TLL1: variants seen among roughly 807,000 people sequenced by gnomAD.
TLL1 encodes the protein tolloid like 1.
A neutral mutation model predicts 128.2 loss-of-function variants in TLL1; 49 were observed. The ratio of observed to expected loss-of-function variants is 0.38; its 90% CI spans 0.30 to 0.48. The LOEUF is 0.48. Ranked by LOEUF, TLL1 falls within the 20% of genes least tolerant of loss-of-function variation. TLL1 has a pLI of 0.96. For missense variants in TLL1, 1,123 were observed against 1,242.0 expected (o/e 0.90, Z 1.44); for synonymous variants, 454 against 418.8 (o/e 1.08, Z -1.03).
In TLL1 at chr4:165,895,782, A is replaced by G. The variant is rs1320756696; in HGVS notation, c.169+21709A>G. 4.6e-5 allele frequency among the ~76,000 whole-genome samples: 7 copies of G among 152,110 alleles called. 1 individual carries two copies. Among genetic ancestry groups the G allele is most frequent in the Middle Eastern group, 3.2e-3 (1 of 316 alleles). On this transcript the variant is annotated intron_variant, in intron 1 of 20. Coordinates refer to ENST00000061240, the MANE Select transcript of TLL1 (RefSeq NM_012464.5). ...CTCTTGCCTTCAAGACTTATTTTAC[A>G]GCTACAGTACTCAAGACAGGGCATG... is the stretch of plus-strand genomic sequence containing the variant.
At chr4:165,882,360 C>T (rs1730999863) in intron 1 of TLL1, among the ~76,000 whole-genome samples, 1 of 151,982 alleles carries the variant, frequency 6.6e-6, no homozygotes, top group Non-Finnish European at 1.5e-5. Flanking sequence ...TACTTGTTTC[C>T]TAACAAGTGG....
At chr4:166,052,523 C>G (rs767854129) in intron 12 of TLL1, among the ~76,000 whole-genome samples, 6 of 152,136 alleles carry the variant, frequency 3.9e-5, no homozygotes, top group Non-Finnish European at 8.8e-5. Context: ...TCTTGAACTC[C>G]TGACCATGTG....
At chr4:165,967,130 C>G (rs373975879) in intron 1 of TLL1, among the ~76,000 whole-genome samples, 1 of 152,166 alleles carries the variant, frequency 6.6e-6, no homozygotes, top group Non-Finnish European at 1.5e-5. Flanking sequence ...TTCTCCTATT[C>G]GCTTTTGTAA....
rs1739901176 is a variant in TLL1, at chr4:166,054,369, C to A, written c.1525-707C>A. On this transcript the variant is annotated intron_variant, in intron 12 of 20. Coordinates refer to ENST00000061240, the MANE Select transcript of TLL1 (RefSeq NM_012464.5). ...TACATTTGTTCAGAGTATTTGAATC[C>A]AAATCTTCTATGAATACAATAATGA... 2.6e-5 allele frequency among the ~76,000 whole-genome samples: 4 copies of A among 152,026 alleles called. No homozygotes were observed. The South Asian group carries it at 8.3e-4, about 32-fold the overall frequency.
At chr4:166,098,600 G>A (rs1451996931) in intron 19 of TLL1, among the ~76,000 whole-genome samples, 1 of 151,986 alleles carries the variant, frequency 6.6e-6, no homozygotes, top group East Asian at 1.9e-4. Context: ...TGTTGGATAG[G>A]TTGTAGAACT....
intron 18 of TLL1, among the ~76,000 whole-genome samples, chr4:166,083,965 A>C (rs1305328912): frequency 6.6e-6 from 1 of 152,078 alleles, no homozygotes; most frequent in Non-Finnish European, 1.5e-5. Context: ...GAGACTCCAT[A>C]CTTTTTTCTG....
At chr4:165,970,814 C>T (rs1455883133) in intron 1 of TLL1, among the ~76,000 whole-genome samples, 1 of 152,178 alleles carries the variant, frequency 6.6e-6, no homozygotes, top group Non-Finnish European at 1.5e-5. Flanking sequence ...CGTGCAAAAT[C>T]AAAGAGCTTT....
At chr4:166,097,474 G>A (rs1351587035) in intron 19 of TLL1, among the ~76,000 whole-genome samples, 2 of 152,118 alleles carry the variant, frequency 1.3e-5, no homozygotes, top group African/African-American at 4.8e-5. Flanking sequence ...CAATGGGGAA[G>A]TCATTCTTGT....
At chr4:165,938,729 C>T (rs191075827) in intron 1 of TLL1, among the ~76,000 whole-genome samples, 142 of 152,060 alleles carry the variant, frequency 9.3e-4, no homozygotes, top group Non-Finnish European at 1.8e-3. Flanking sequence ...ACCTTTGGCT[C>T]CTGCCAACCA....
At chr4:165,995,637 A>G (rs966820061) in intron 5 of TLL1, among the ~76,000 whole-genome samples, 5 of 152,180 alleles carry the variant, frequency 3.3e-5, no homozygotes, top group Non-Finnish European at 5.9e-5. Flanking sequence ...GGATAGTTCC[A>G]TAAATTTTTA....
chr4:166,054,486 ACATGTGC>A (rs1739906786), intron 12 of TLL1, among the ~76,000 whole-genome samples: 1 of 151,936 alleles, frequency 6.6e-6, no homozygotes, highest in South Asian at 2.1e-4. Flanking sequence ...ACATATGTAT[ACATGTGC>A]CATGCTGGTG....
At chr4:165,951,319 G>A (rs186916001) in intron 1 of TLL1, among the ~76,000 whole-genome samples, 1 of 152,202 alleles carries the variant, frequency 6.6e-6, no homozygotes, top group East Asian at 1.9e-4. Context: ...ATTCGAATGA[G>A]AAAAATAGTG....
intron 1 of TLL1, among the ~76,000 whole-genome samples, chr4:165,967,508 T>A (rs1315281933): frequency 1.3e-5 from 2 of 152,252 alleles, no homozygotes; most frequent in East Asian, 3.8e-4. Context: ...CAATTTATGT[T>A]CTTCTGCCAT....
In TLL1 at chr4:166,012,136, T is replaced by C. The variant is rs181681336; in HGVS notation, c.918-2300T>C. 7.9e-5 allele frequency among the ~76,000 whole-genome samples: 12 copies of C among 151,606 alleles called. No individual in the cohort carries two copies. In the East Asian group the frequency reaches 9.7e-4, roughly 12 times the overall value. ...TTTTTCATTTAAAAAGTCGTAAAAT[T>C]TTACAAATTTTTGTTAAAAGTATAG... is the stretch of plus-strand genomic sequence containing the variant. On this transcript the variant is annotated intron_variant, in intron 7 of 20. Transcript: ENST00000061240.
At chr4:166,021,357 C>A (rs1301410305) in intron 8 of TLL1, among the ~76,000 whole-genome samples, 1 of 151,652 alleles carries the variant, frequency 6.6e-6, no homozygotes, top group East Asian at 1.9e-4. Flanking sequence ...CTGTGGGGAA[C>A]ATTGTTGCCT....
At chr4:166,065,347 T>C (rs1740520466) in intron 15 of TLL1, among the ~76,000 whole-genome samples, 1 of 152,074 alleles carries the variant, frequency 6.6e-6, no homozygotes, top group Admixed American at 6.6e-5. Flanking sequence ...TAGAATGTGG[T>C]GTTTCTGGGA....
intron 1 of TLL1, among the ~76,000 whole-genome samples, chr4:165,960,760 C>T (rs1735058201): frequency 6.6e-6 from 1 of 152,052 alleles, no homozygotes; most frequent in Non-Finnish European, 1.5e-5. Flanking sequence ...AATCCCGCCT[C>T]CCTTCAGGAT....
chr4:165,991,823 C>A (rs1736648327), intron 2 of TLL1, among the ~76,000 whole-genome samples: 1 of 151,900 alleles, frequency 6.6e-6, no homozygotes, highest in African/African-American at 2.4e-5. Flanking sequence ...CTCTATGAAC[C>A]ATAGATACTC....
At chr4:165,997,680 A>C (rs78078814) in intron 5 of TLL1, among the ~76,000 whole-genome samples, 3,255 of 152,264 alleles carry the variant, frequency 0.021, 123 homozygotes, top group African/African-American at 0.074. Flanking sequence ...TTTATTGGTA[A>C]CTTTTCTGTA....
Sources: allele counts gnomAD v4.1 joint callset (sites outside exome capture counted in the v4.1 genomes callset), GRCh38; gene constraint gnomAD v4.1.1; transcripts MANE v1.5; gene names NCBI Gene and HGNC (gene_info 2026-07-23, HGNC 2026-07-21).